Variants in CAMKMT observed in about 807,000 individuals in gnomAD.
The protein encoded by CAMKMT is CaM KMT.
Under a neutral mutation model 48.0 loss-of-function variants are expected in CAMKMT, and 53 were observed. That is an observed-to-expected ratio of 1.10 (90% CI 0.89 to 1.39). CAMKMT has a LOEUF of 1.39. Among genes scored for constraint, CAMKMT ranks in the 40% most tolerant of loss-of-function variants. The probability of loss-of-function intolerance (pLI) is 0.00; values close to 1 mark genes in which losing one functional copy is unlikely to be tolerated. For synonymous variants in CAMKMT, 165 were observed against 152.3 expected (o/e 1.08, Z -0.61); for missense variants, 428 against 402.7 (o/e 1.06, Z -0.54).
chr2:44,527,247 C>T (rs1666175050), intron 3 of CAMKMT, among the ~76,000 whole-genome samples: 1 of 145,724 alleles, frequency 6.9e-6, no homozygotes, highest in African/African-American at 2.5e-5. Context: ...AGGTGAACGC[C>T]ACCATATCTG....
chr2:44,753,599 C>T (rs1029309535), intron 8 of CAMKMT, among the ~76,000 whole-genome samples: 1 of 152,170 alleles, frequency 6.6e-6, no homozygotes, highest in African/African-American at 2.4e-5. Context: ...AGTCACTAAA[C>T]TCTATTACCT....
chr2:44,593,261 T>A (rs2103826217), intron 3 of CAMKMT, among the ~76,000 whole-genome samples: 1 of 152,324 alleles, frequency 6.6e-6, no homozygotes, highest in East Asian at 1.9e-4. Context: ...AATTTCCAGT[T>A]CTTTGTGAAC....
chr2:44,509,000 A>G (rs1670399455), intron 3 of CAMKMT, among the ~76,000 whole-genome samples: 1 of 151,674 alleles, frequency 6.6e-6, no homozygotes, highest in Non-Finnish European at 1.5e-5. Context: ...GGAGGCTGAG[A>G]CAGGAGAATT....
chr2:44,398,950 AG>A (rs1682110017), intron 3 of CAMKMT, among the ~76,000 whole-genome samples: 1 of 152,190 alleles, frequency 6.6e-6, no homozygotes, highest in African/African-American at 2.4e-5. Context: ...CTCTCCACTC[AG>A]CCCTGAGTCT....
At chr2:44,396,866 C>T (rs999381749) in intron 3 of CAMKMT, among the ~76,000 whole-genome samples, 4 of 151,864 alleles carry the variant, frequency 2.6e-5, no homozygotes, top group Non-Finnish European at 4.4e-5. Flanking sequence ...CGAGACCATC[C>T]TGGCCAACAT....
At chr2:44,581,870 G>C (rs1411156358) in intron 3 of CAMKMT, among the ~76,000 whole-genome samples, 1 of 151,982 alleles carries the variant, frequency 6.6e-6, no homozygotes, top group Non-Finnish European at 1.5e-5. Context: ...GTGGTGCCGC[G>C]CGCCTGTAGT....
At chr2:44,591,851 G>T (rs1228558498) in intron 3 of CAMKMT, among the ~76,000 whole-genome samples, 1 of 151,658 alleles carries the variant, frequency 6.6e-6, no homozygotes. Context: ...AAGAAAATGT[G>T]GCACATATAC....
rs1041535097 is a variant in CAMKMT, at chr2:44,765,227, CA to C, written c.763-1193del. Among the ~76,000 whole-genome samples, 14 of 146,384 alleles carry C rather than the reference CA, an allele frequency of 9.6e-5. No homozygotes were observed. The East Asian group carries it at 1.4e-3, about 15-fold the overall frequency. Reference sequence around the variant, plus strand: ...TGGGTGACAGAGTGGGACTCTGTCTCAAAAAAAAAATGTCTAAAGGAGATGA... The same window carrying C: ...TGGGTGACAGAGTGGGACTCTGTCTCAAAAAAAAATGTCTAAAGGAGATGA... On this transcript the variant is annotated intron_variant, in intron 9 of 10. Coordinates refer to ENST00000378494, the MANE Select transcript of CAMKMT (RefSeq NM_024766.5).
chr2:44,641,272 G>A (rs1008498140), intron 3 of CAMKMT, among the ~76,000 whole-genome samples: 2 of 152,006 alleles, frequency 1.3e-5, no homozygotes, highest in African/African-American at 2.4e-5. Context: ...GATGACCTAC[G>A]GTTGCCTATT....
intron 10 of CAMKMT, among the ~76,000 whole-genome samples, chr2:44,768,361 A>ATATATATATATAT (rs35058824): frequency 2.4e-4 from 28 of 115,728 alleles, no homozygotes; most frequent in African/African-American, 1.0e-3. Flanking sequence ...ATATATATAT[A>ATATATATATATAT]TTTTTTTTTT....
intron 3 of CAMKMT, among the ~76,000 whole-genome samples, chr2:44,692,468 C>T (rs1176005204): frequency 6.6e-6 from 1 of 152,172 alleles, no homozygotes; most frequent in African/African-American, 2.4e-5. Flanking sequence ...GTTTTATTTC[C>T]TTCACAGCAC....
intron 3 of CAMKMT, among the ~76,000 whole-genome samples, chr2:44,458,147 A>G (rs1207308487): frequency 6.7e-6 from 1 of 149,296 alleles, no homozygotes; most frequent in African/African-American, 2.5e-5. Flanking sequence ...CCCCGGTTCA[A>G]ACGATCTTCC....
At chr2:44,616,632 A>G (rs1200366641) in intron 3 of CAMKMT, among the ~76,000 whole-genome samples, 3 of 152,190 alleles carry the variant, frequency 2.0e-5, no homozygotes, top group African/African-American at 7.2e-5. Flanking sequence ...TATATATTTG[A>G]ACAAACTAAG....
chr2:44,552,160 C>G lies in CAMKMT; in HGVS notation c.377-152123C>G, dbSNP rs190751141. Among the ~76,000 whole-genome samples the G allele has an allele frequency of 2.1e-3, 325 of 152,174 alleles. 1 individual carries two copies. The highest frequency in any genetic ancestry group is 7.5e-3 in the African/African-American group (312 of 41,524). On this transcript the variant is annotated intron_variant, in intron 3 of 10. Transcript: ENST00000378494. The stretch of plus-strand genomic sequence containing the variant: ...ATCCTCCCCTCCGAGTCTCCAGTGT[C>G]TATTATTCCACTCTATGCCCATAGG...
chr2:44,524,137 T>G (rs564290123), intron 3 of CAMKMT, among the ~76,000 whole-genome samples: 1 of 152,204 alleles, frequency 6.6e-6, no homozygotes, highest in Non-Finnish European at 1.5e-5. Flanking sequence ...TGACCTAGCC[T>G]CAGAAGTCAC....
intron 3 of CAMKMT, among the ~76,000 whole-genome samples, chr2:44,517,469 C>G (rs923307881): frequency 6.6e-6 from 1 of 152,150 alleles, no homozygotes; most frequent in Non-Finnish European, 1.5e-5. Context: ...TCTGAAGGAA[C>G]AAAAACCAAA....
rs201677102 is a variant in CAMKMT at position 44,707,399 on chromosome 2, G to T, written c.493G>T (p.Val165Phe). 543 of 1,608,488 alleles carry T rather than the reference G, an allele frequency of 3.4e-4. No individual in the cohort carries two copies. Among genetic ancestry groups the T allele is most frequent in the Non-Finnish European group, 4.3e-4 (501 of 1,177,826 alleles). The change falls in exon 6 of 11, where the codon GTT becomes TTT. Residue 165 changes from valine (V) to phenylalanine (F), a missense_variant and splice_region_variant. By Grantham distance (50) the Val-to-Phe change is conservative. Transcript: ENST00000378494. ...TGCTGTGCTCCCTTTTTTTTTTCAGGTTGCTATTTCTGCAGATGTCAAAGA... is the reference window on the plus strand; with the variant it reads ...TGCTGTGCTCCCTTTTTTTTTTCAGTTTGCTATTTCTGCAGATGTCAAAGA... ...GGMTCLAGLMVAISADVKEVL... is the reference protein window; with the variant it reads ...GGMTCLAGLMFAISADVKEVL...
intron 3 of CAMKMT, among the ~76,000 whole-genome samples, chr2:44,464,139 A>G (rs1006081447): frequency 2.0e-5 from 3 of 152,340 alleles, no homozygotes; most frequent in Admixed American, 6.5e-5. Context: ...ACAAAGATAT[A>G]GAAACTATAA....
chr2:44,412,878 C>G (rs1683304896), intron 3 of CAMKMT, among the ~76,000 whole-genome samples: 1 of 151,272 alleles, frequency 6.6e-6, no homozygotes, highest in South Asian at 2.1e-4. Context: ...GAGTTTGAGA[C>G]CAGCTTGACC....
Sources: gnomAD v4.1 joint callset for allele counts (sites outside exome capture counted in the v4.1 genomes callset) on GRCh38, gnomAD v4.1.1 for gene constraint, MANE v1.5 for transcripts, NCBI Gene and HGNC (gene_info 2026-07-23, HGNC 2026-07-21) for gene names.